Variants in ZEB1 observed in about 807,000 individuals in gnomAD.
ZEB1 encodes zinc finger E-box-binding homeobox 1.
A neutral mutation model predicts 84.9 loss-of-function variants in ZEB1; 21 were observed. The ratio of observed to expected loss-of-function variants is 0.25; its 90% CI spans 0.18 to 0.36. ZEB1 has a LOEUF of 0.36. ZEB1 is among the 10% of genes least tolerant of loss of function. The pLI is 1.00. For synonymous variants in ZEB1, 420 were observed against 471.1 expected (o/e 0.89, Z 1.41); for missense variants, 1,104 against 1,330.2 (o/e 0.83, Z 2.65).
chr10:31,485,273 G>A (rs1467508324), intron 2 of ZEB1, among the ~76,000 whole-genome samples: 1 of 151,760 alleles, frequency 6.6e-6, no homozygotes. Flanking sequence ...GCTAAGCATT[G>A]GGCTAAACGA....
chr10:31,527,132 G>A lies in ZEB1; in HGVS notation c.3246G>A (p.Glu1082=). 1 of 1,607,938 alleles carries A rather than the reference G, an allele frequency of 6.2e-7. No individual in the cohort carries two copies. Among genetic ancestry groups the A allele is most frequent in the Non-Finnish European group, 8.5e-7 (1 of 1,176,918 alleles). The part of the protein sequence containing the change: ...EVEEEEVEEA[E]NEGEEAKTEG... Reference sequence around the variant, plus strand: ...AAGAAGAAGAGGTAGAAGAGGCAGAGAATGAGGGAGAAGAAGCAAAAACTG... The same window carrying A: ...AAGAAGAAGAGGTAGAAGAGGCAGAAAATGAGGGAGAAGAAGCAAAAACTG... Residue 1082 remains glutamate (E), a synonymous_variant, in exon 9 of 9, where the codon GAG becomes GAA. Transcript: ENST00000424869.
chr10:31,401,059 A>G (rs139442563), intron 1 of ZEB1, among the ~76,000 whole-genome samples: 1 of 152,118 alleles, frequency 6.6e-6, no homozygotes, highest in African/African-American at 2.4e-5. Context: ...TACTGTTATT[A>G]ATAATATGGT....
chr10:31,427,825 C>T (rs2057164488), intron 1 of ZEB1, among the ~76,000 whole-genome samples: 1 of 148,276 alleles, frequency 6.7e-6, no homozygotes, highest in Admixed American at 6.8e-5. Context: ...CGCCACTGCA[C>T]TCCAGCCTGG....
At chr10:31,475,062 G>C (rs571220619) in intron 2 of ZEB1, among the ~76,000 whole-genome samples, 1 of 151,124 alleles carries the variant, frequency 6.6e-6, no homozygotes, top group South Asian at 2.1e-4. Context: ...GGACTGTTGT[G>C]GGGTGGGGCG....
intron 2 of ZEB1, among the ~76,000 whole-genome samples, chr10:31,477,903 A>C (rs1325856550): frequency 1.3e-5 from 2 of 152,030 alleles, no homozygotes; most frequent in African/African-American, 4.8e-5. Context: ...TGTGAAACTT[A>C]AAATCCTGAA....
chr10:31,357,174 A>G (rs1364761037), intron 1 of ZEB1, among the ~76,000 whole-genome samples: 2 of 152,186 alleles, frequency 1.3e-5, no homozygotes, highest in African/African-American at 2.4e-5. Flanking sequence ...GTACAAAACT[A>G]GTTATCTAGG....
intron 1 of ZEB1, among the ~76,000 whole-genome samples, chr10:31,405,395 C>G (rs1042597488): frequency 6.6e-6 from 1 of 152,086 alleles, no homozygotes; most frequent in Non-Finnish European, 1.5e-5. Context: ...AATTGTATGT[C>G]TGAATTACCT....
At chr10:31,491,857 C>T (rs2066578125) in intron 2 of ZEB1, among the ~76,000 whole-genome samples, 1 of 151,786 alleles carries the variant, frequency 6.6e-6, no homozygotes, top group South Asian at 2.1e-4. Flanking sequence ...TACAGTTACA[C>T]CCCAAATATT....
intron 1 of ZEB1, among the ~76,000 whole-genome samples, chr10:31,322,250 T>C (rs1428008839): frequency 2.0e-5 from 3 of 152,248 alleles, no homozygotes; most frequent in Non-Finnish European, 4.4e-5. Context: ...CCTCAGTATA[T>C]GTGCTGGTTA....
At chr10:31,473,314 T>C (rs1478589310) in intron 2 of ZEB1, among the ~76,000 whole-genome samples, 47 of 148,802 alleles carry the variant, frequency 3.2e-4, no homozygotes, top group Non-Finnish European at 5.3e-4. Flanking sequence ...AAAACCCCAT[T>C]GTCTCAGCCC....
At chr10:31,479,018 A>T (rs1336235412) in intron 2 of ZEB1, among the ~76,000 whole-genome samples, 1 of 151,814 alleles carries the variant, frequency 6.6e-6, no homozygotes, top group Non-Finnish European at 1.5e-5. Flanking sequence ...GTGCCCCCCA[A>T]ATCTAAAATC....
intron 1 of ZEB1, among the ~76,000 whole-genome samples, chr10:31,351,682 A>AATT (rs1356306279): frequency 6.6e-6 from 1 of 152,128 alleles, no homozygotes; most frequent in Non-Finnish European, 1.5e-5. Flanking sequence ...ATCCTTCATA[A>AATT]ATTAACTAAT....
intron 6 of ZEB1, among the ~76,000 whole-genome samples, chr10:31,518,272 A>T (rs922894670): frequency 1.3e-5 from 2 of 152,146 alleles, no homozygotes; most frequent in Non-Finnish European, 2.9e-5. Flanking sequence ...AGGTGGGTTA[A>T]CAAGCAGGTA....
intron 2 of ZEB1, among the ~76,000 whole-genome samples, chr10:31,475,527 TC>T (rs1338467847): frequency 6.6e-6 from 1 of 151,890 alleles, no homozygotes; most frequent in African/African-American, 2.4e-5. Context: ...GAAAGAAAAA[TC>T]TTAAAGGCAG....
In ZEB1 at chr10:31,521,491, A is replaced by C; in HGVS notation, c.2159A>C (p.Tyr720Ser). The C allele has an allele frequency of 1.9e-6, 3 of 1,614,136 alleles. No homozygotes were observed. The highest frequency in any genetic ancestry group is 2.5e-6 in the Non-Finnish European group (3 of 1,180,020). Residue 720 changes from tyrosine (Y) to serine (S), a missense_variant, in exon 7 of 9, where the codon TAC becomes TCC. Tyr to Ser is a moderately radical substitution (Grantham distance 144, BLOSUM62 -2). Coordinates refer to ENST00000424869, the MANE Select transcript of ZEB1 (RefSeq NM_001174096.2). ...NLSSSRNTQG[Y>S]LYTAEGAQEE... ...TCCTCATCCAGAAATACACAGGGTT[A>C]CTTGTACACAGCTGAGGGTGCACAA...
chr10:31,454,231 C>G (rs2060929076), intron 1 of ZEB1, among the ~76,000 whole-genome samples: 1 of 151,838 alleles, frequency 6.6e-6, no homozygotes, highest in African/African-American at 2.4e-5. Context: ...AGAAACTCTC[C>G]ACGAGCTCTA....
intron 1 of ZEB1, among the ~76,000 whole-genome samples, chr10:31,372,582 A>C (rs2045914985): frequency 6.6e-6 from 1 of 152,082 alleles, no homozygotes. Flanking sequence ...GATTACGCTA[A>C]AGTGTAACCT....
At chr10:31,389,830 A>G (rs1406986945) in intron 1 of ZEB1, 1 of 152,108 alleles carries the variant, frequency 6.6e-6, no homozygotes, top group Non-Finnish European at 1.5e-5. Flanking sequence ...GTTTTATGAG[A>G]TTTTTTTCAT....
intron 1 of ZEB1, chr10:31,320,465 C>T (rs1296147882): frequency 7.8e-5 from 10 of 128,678 alleles, no homozygotes; most frequent in African/African-American, 2.6e-4. Flanking sequence ...GGATGGCGCT[C>T]TGGGTCTCGG....
Sources: gnomAD v4.1 joint callset for allele counts (sites outside exome capture counted in the v4.1 genomes callset) on GRCh38, gnomAD v4.1.1 for gene constraint, MANE v1.5 for transcripts, NCBI Gene and HGNC (gene_info 2026-07-23, HGNC 2026-07-21) for gene names.